The following HACD3 variants were observed in gnomAD, a reference collection of about 807,000 sequenced individuals.
HACD3 encodes 3-hydroxyacyl-CoA dehydratase 3.
HACD3 carries 30 observed loss-of-function variants against 55.2 expected under a neutral mutation model. The ratio of observed to expected loss-of-function variants is 0.54; its 90% CI spans 0.41 to 0.74. The LOEUF is 0.74. Among genes scored for constraint, HACD3 ranks in the 30% least tolerant of loss-of-function variants. The pLI is 0.00. For synonymous variants in HACD3, 141 were observed against 151.7 expected (o/e 0.93, Z 0.52); for missense variants, 363 against 440.1 (o/e 0.82, Z 1.57).
chr15:65,533,773 C>T (rs1194424528), intron 1 of HACD3, among the ~76,000 whole-genome samples: 4 of 151,262 alleles, frequency 2.6e-5, no homozygotes, highest in Admixed American at 1.3e-4. Flanking sequence ...GAAAAGCAGC[C>T]GGGTGTGGTG....
At position 65,558,449 on chromosome 15, in the gene HACD3, C is replaced by T. The variant is rs1414903261; in HGVS notation, c.370-231C>T. On this transcript the variant is annotated intron_variant, in intron 4 of 10. Transcript: ENST00000261875. ...TCACTTGTCAGTTTGGAAGCCAGCTCACTGGGTTAATTTTGTGAACAATGG... is the reference window on the plus strand; with the variant it reads ...TCACTTGTCAGTTTGGAAGCCAGCTTACTGGGTTAATTTTGTGAACAATGG... Among the ~76,000 whole-genome samples, 8 of 152,176 alleles carry T rather than the reference C, an allele frequency of 5.3e-5. No individual in the cohort carries two copies. In the East Asian group the frequency reaches 1.2e-3, roughly 22 times the overall value.
At chr15:65,533,091 G>T (rs1330472414) in intron 1 of HACD3, among the ~76,000 whole-genome samples, 1 of 152,174 alleles carries the variant, frequency 6.6e-6, no homozygotes, top group South Asian at 2.1e-4. Flanking sequence ...AAAGAGAAAG[G>T]CATAGACTTT....
chr15:65,552,042 T>G (rs968808968), intron 2 of HACD3: 1 of 216,230 alleles, frequency 4.6e-6, no homozygotes, highest in East Asian at 1.1e-4. Flanking sequence ...TCTCTGGACC[T>G]GTACAATGAA....
Position 65,570,017 on chromosome 15 carries a change from T to A in HACD3, c.661-74T>A, listed in dbSNP as rs371965280. 77 of 1,011,426 alleles carry A rather than the reference T, an allele frequency of 7.6e-5. No homozygotes were observed. In the South Asian group the frequency reaches 1.1e-3, roughly 15 times the overall value. The allele number at this position is 1,011,426 out of a possible 1,614,324, so 62.7% of individuals were successfully genotyped here. A position where few individuals can be genotyped will look rare whatever the true frequency, so the allele number is the denominator to read the frequency against. On this transcript the variant is annotated intron_variant, in intron 7 of 10. Coordinates refer to ENST00000261875, the MANE Select transcript of HACD3 (RefSeq NM_016395.4). ...TTGCCTTGCATTTAGTGGGGTTAGATTTCAGATAACACATTTCTATAACTT... is the reference window on the plus strand; with the variant it reads ...TTGCCTTGCATTTAGTGGGGTTAGAATTCAGATAACACATTTCTATAACTT...
chr15:65,563,925 G>A (rs1273420004), intron 6 of HACD3, among the ~76,000 whole-genome samples: 2 of 151,738 alleles, frequency 1.3e-5, no homozygotes. Context: ...AGCCAAGATC[G>A]TGCCACTGCA....
chr15:65,552,487 C>T (rs902297368), intron 2 of HACD3, among the ~76,000 whole-genome samples: 2 of 152,046 alleles, frequency 1.3e-5, no homozygotes, highest in African/African-American at 4.8e-5. Flanking sequence ...AGGCATCCGC[C>T]ACCACGTCCA....
Position 65,572,312 on chromosome 15 carries a change from A to G in HACD3, c.958A>G (p.Ile320Val), listed in dbSNP as rs1245380515. The change falls in exon 10 of 11, where the codon ATC becomes GTC. Residue 320 changes from isoleucine to valine, a missense_variant. Physicochemically the swap from Ile to Val is conservative, Grantham distance 29 (BLOSUM62 3). Coordinates refer to ENST00000261875, the MANE Select transcript of HACD3 (RefSeq NM_016395.4). ...FSFTLPYPVK[I>V]KVRFSFFLQI... ...TTTCACATTGCCATATCCAGTGAAA[A>G]TCAAAGTTAGATTTTCCTTTTTTCT... is the stretch of plus-strand genomic sequence containing the variant. The G allele has an allele frequency of 6.2e-7, 1 of 1,613,066 alleles. No homozygotes were observed. The highest frequency in any genetic ancestry group is 8.5e-7 in the Non-Finnish European group (1 of 1,179,764).
intron 1 of HACD3, chr15:65,534,457 G>C (rs988393923): frequency 3.3e-5 from 5 of 152,222 alleles, no homozygotes; most frequent in Non-Finnish European, 7.3e-5. Context: ...AAAGAGGCCA[G>C]CTAAAGCAGG....
At chr15:65,555,012 G>T in intron 3 of HACD3, 52 bp downstream of exon 3, 2 of 1,365,552 alleles carry the variant, frequency 1.5e-6, no homozygotes. Context: ...ATGAATACCA[G>T]TAGTTTAGTG....
intron 1 of HACD3, chr15:65,535,878 T>TG (rs2071949839): frequency 1.8e-6 from 1 of 564,448 alleles, no homozygotes; most frequent in African/African-American, 1.9e-5. Flanking sequence ...TTTTTAGAGG[T>TG]GGGGTCTCAT....
At chr15:65,554,481 A>G (rs550219281) in intron 2 of HACD3, among the ~76,000 whole-genome samples, 3 of 152,314 alleles carry the variant, frequency 2.0e-5, no homozygotes, top group African/African-American at 7.2e-5. Context: ...GCTACAATCA[A>G]GTATGATATT....
At chr15:65,555,222 C>T (rs2072177522) in intron 3 of HACD3, among the ~76,000 whole-genome samples, 1 of 152,130 alleles carries the variant, frequency 6.6e-6, no homozygotes, top group Admixed American at 6.5e-5. Context: ...CTGGTGTTCT[C>T]ATGTGTTAAA....
At chr15:65,563,753 G>A (rs947675866) in intron 6 of HACD3, among the ~76,000 whole-genome samples, 6 of 152,136 alleles carry the variant, frequency 3.9e-5, no homozygotes, top group Non-Finnish European at 8.8e-5. Context: ...GGCAGATCAC[G>A]AGGTCAAGAG....
intron 4 of HACD3, 129 bp from the exon 5 acceptor site, chr15:65,558,551 A>T (rs895907270): frequency 3.7e-6 from 3 of 804,880 alleles, no homozygotes; most frequent in Non-Finnish European, 4.1e-6. Context: ...ATATTCTCCC[A>T]ATGATGCACT....
chr15:65,539,637 T>C (rs2071999886), intron 1 of HACD3, among the ~76,000 whole-genome samples: 2 of 152,170 alleles, frequency 1.3e-5, no homozygotes, highest in Non-Finnish European at 2.9e-5. Flanking sequence ...AGTTTTGCTT[T>C]TTAGAGAAGC....
rs373019637 is a variant in HACD3, at chr15:65,572,983, G to C, written c.1012+617G>C. On this transcript the variant is annotated intron_variant, in intron 10 of 10. Coordinates refer to ENST00000261875, the MANE Select transcript of HACD3 (RefSeq NM_016395.4). ...AAAAAGTAAGGAGCCTTTTAAAATA[G>C]ACTAAGAAGCTCCCACTTTTACTAA... Among the ~76,000 whole-genome samples, 17 of 144,226 alleles carry C rather than the reference G, an allele frequency of 1.2e-4. No individual in the cohort carries two copies. In the South Asian group the frequency reaches 3.7e-3, roughly 32 times the overall value. The allele number at this position is 144,226 out of a possible 152,430, so 94.6% of individuals were successfully genotyped here.
At chr15:65,561,142 T>G (rs1439329937) in intron 5 of HACD3, among the ~76,000 whole-genome samples, 1 of 152,054 alleles carries the variant, frequency 6.6e-6, no homozygotes, top group Non-Finnish European at 1.5e-5. Context: ...TTAAAGAAAT[T>G]CCAGAAAAGA....
intron 1 of HACD3, chr15:65,535,832 C>CAGGTACCTGCCTGT: frequency 1.6e-6 from 1 of 609,478 alleles, no homozygotes; most frequent in Non-Finnish European, 3.0e-6. Context: ...AGTAGGACTA[C>CAGGTACCTGCCTGT]AGGTACCTGC....
intron 1 of HACD3, among the ~76,000 whole-genome samples, chr15:65,544,261 G>A (rs990382057): frequency 6.6e-6 from 1 of 152,222 alleles, no homozygotes; most frequent in South Asian, 2.1e-4. Flanking sequence ...GTACAGGCTG[G>A]TGGTGTTTGC....
Sources: allele counts gnomAD v4.1 joint callset (sites outside exome capture counted in the v4.1 genomes callset), GRCh38; gene constraint gnomAD v4.1.1; transcripts MANE v1.5; gene names NCBI Gene and HGNC (gene_info 2026-07-23, HGNC 2026-07-21).